The following CSMD1 variants were observed in gnomAD, a reference collection of about 807,000 sequenced individuals.
The protein encoded by CSMD1 is CUB and Sushi multiple domains 1.
CSMD1 carries 213 observed loss-of-function variants against 417.5 expected under a neutral mutation model. That is an observed-to-expected ratio of 0.51 (90% CI 0.46 to 0.57). The LOEUF is 0.57. Among genes scored for constraint, CSMD1 ranks in the 20% least tolerant of loss-of-function variants. The probability of loss-of-function intolerance (pLI) is 0.00; values close to 1 mark genes in which losing one functional copy is unlikely to be tolerated. For synonymous variants in CSMD1, 2,862 were observed against 1,736.8 expected (o/e 1.65, Z -16.11); for missense variants, 6,923 against 4,529.7 (o/e 1.53, Z -15.17).
At chr8:4,203,437 G>GA (rs1376981696) in intron 3 of CSMD1, among the ~76,000 whole-genome samples, 1 of 152,118 alleles carries the variant, frequency 6.6e-6, no homozygotes, top group South Asian at 2.1e-4. Flanking sequence ...ACAGCAGCCA[G>GA]AAAAAAATCC....
intron 1 of CSMD1, among the ~76,000 whole-genome samples, chr8:4,870,532 A>C (rs1802677591): frequency 6.6e-6 from 1 of 152,106 alleles, no homozygotes; most frequent in Non-Finnish European, 1.5e-5. Context: ...AGGAGTCTGC[A>C]TACATTCCTC....
At chr8:4,623,554 T>C (rs1239030272) in intron 2 of CSMD1, among the ~76,000 whole-genome samples, 1 of 151,736 alleles carries the variant, frequency 6.6e-6, no homozygotes, top group Non-Finnish European at 1.5e-5. Context: ...TTATTTCTAA[T>C]AGCTAAAAAC....
chr8:3,171,343 C>G (rs1356180517), intron 37 of CSMD1, among the ~76,000 whole-genome samples: 1 of 152,212 alleles, frequency 6.6e-6, no homozygotes, highest in Admixed American at 6.5e-5. Flanking sequence ...GCAGCCCAGC[C>G]TGATTTCCAC....
intron 2 of CSMD1, among the ~76,000 whole-genome samples, chr8:4,498,214 C>A (rs767494694): frequency 6.6e-6 from 1 of 152,090 alleles, no homozygotes; most frequent in Admixed American, 6.5e-5. Flanking sequence ...CGGGGTTGAA[C>A]GATGATTGTT....
chr8:3,265,167 C>T (rs973834802), intron 26 of CSMD1, among the ~76,000 whole-genome samples: 1 of 152,112 alleles, frequency 6.6e-6, no homozygotes, highest in African/African-American at 2.4e-5. Flanking sequence ...AATTTACACT[C>T]TCACTAGAAC....
At chr8:3,305,595 G>C (rs1283640055) in intron 25 of CSMD1, among the ~76,000 whole-genome samples, 1 of 151,528 alleles carries the variant, frequency 6.6e-6, no homozygotes, top group African/African-American at 2.4e-5. Context: ...CTCTCACCAT[G>C]TGGACTCATC....
chr8:4,956,316 A>T (rs1809108224), intron 1 of CSMD1, among the ~76,000 whole-genome samples: 1 of 151,760 alleles, frequency 6.6e-6, no homozygotes, highest in Admixed American at 6.6e-5. Context: ...TAGCATATGA[A>T]TAATAAAAAT....
intron 25 of CSMD1, among the ~76,000 whole-genome samples, chr8:3,286,283 A>G (rs1453666250): frequency 1.3e-5 from 2 of 152,144 alleles, no homozygotes; most frequent in Admixed American, 1.3e-4. Flanking sequence ...GCCGCTATAA[A>G]CATACGTGTG....
At chr8:3,468,901 C>G (rs948233133) in intron 11 of CSMD1, 77 bp from the exon 12 acceptor site, 3 of 915,870 alleles carry the variant, frequency 3.3e-6, no homozygotes, top group African/African-American at 3.3e-5. Flanking sequence ...GAGGGTCTTG[C>G]TGCTTTAAAC....
chr8:4,530,500 C>A (rs564977616), intron 2 of CSMD1, among the ~76,000 whole-genome samples: 1 of 151,114 alleles, frequency 6.6e-6, no homozygotes, highest in East Asian at 2.0e-4. Flanking sequence ...CCCTTTCCCC[C>A]GACCCCCTGA....
intron 2 of CSMD1, among the ~76,000 whole-genome samples, chr8:4,507,611 A>G (rs979246372): frequency 6.6e-6 from 1 of 152,210 alleles, no homozygotes; most frequent in African/African-American, 2.4e-5. Context: ...TGGTGGAAAC[A>G]TCTATTTCCA....
intron 2 of CSMD1, among the ~76,000 whole-genome samples, chr8:4,602,532 C>A (rs151294702): frequency 8.6e-4 from 131 of 152,270 alleles, no homozygotes; most frequent in Non-Finnish European, 1.4e-3. Flanking sequence ...ATATTAGGAA[C>A]ATATTGGTCA....
chr8:3,094,168 C>T (rs1206345741), intron 47 of CSMD1, among the ~76,000 whole-genome samples: 8 of 151,696 alleles, frequency 5.3e-5, no homozygotes, highest in Non-Finnish European at 1.0e-4. Context: ...TGCAATGGTA[C>T]AATCTCGGCT....
At chr8:3,969,047 T>A (rs1342182113) in intron 5 of CSMD1, among the ~76,000 whole-genome samples, 1 of 152,112 alleles carries the variant, frequency 6.6e-6, no homozygotes, top group African/African-American at 2.4e-5. Context: ...GTTCAGGAGT[T>A]CGAGACCAGC....
intron 3 of CSMD1, among the ~76,000 whole-genome samples, chr8:4,261,891 G>T (rs1257408110): frequency 1.3e-5 from 2 of 152,104 alleles, no homozygotes; most frequent in Non-Finnish European, 2.9e-5. Flanking sequence ...TTAAAAAGTA[G>T]ATGTGGAACT....
At chr8:3,741,032 T>C (rs1328055244) in intron 6 of CSMD1, among the ~76,000 whole-genome samples, 7 of 151,864 alleles carry the variant, frequency 4.6e-5, no homozygotes, top group Non-Finnish European at 1.0e-4. Flanking sequence ...CTGGCCAACA[T>C]GGTCAAACTC....
rs191669773 is a variant in CSMD1 at position 3,179,236 on chromosome 8, C to T, written c.5725+1874G>A. 2.8e-4 allele frequency among the ~76,000 whole-genome samples: 42 copies of T among 152,170 alleles called. No individual in the cohort carries two copies. The East Asian group carries it at 5.6e-3, about 20-fold the overall frequency. On this transcript the variant is annotated intron_variant, in intron 37 of 69. Coordinates refer to ENST00000635120, the MANE Select transcript of CSMD1 (RefSeq NM_033225.6). The stretch of plus-strand genomic sequence containing the variant: ...CTGGGATTACAGGCGTGAGCCACCG[C>T]GCCCAGCCTATAATCTATATTTCAA...
intron 21 of CSMD1, among the ~76,000 whole-genome samples, chr8:3,358,501 G>T (rs1198140517): frequency 1.3e-5 from 2 of 152,192 alleles, no homozygotes; most frequent in Non-Finnish European, 2.9e-5. Flanking sequence ...ACAGTTCCCA[G>T]ATTGCTAATA....
intron 1 of CSMD1, among the ~76,000 whole-genome samples, chr8:4,910,459 G>A (rs1456002863): frequency 2.6e-5 from 4 of 152,176 alleles, no homozygotes; most frequent in Non-Finnish European, 5.9e-5. Context: ...TAGCGGGTTT[G>A]TCCTCTGATG....
Sources: allele counts gnomAD v4.1 joint callset (sites outside exome capture counted in the v4.1 genomes callset), GRCh38; gene constraint gnomAD v4.1.1; transcripts MANE v1.5; gene names NCBI Gene and HGNC (gene_info 2026-07-23, HGNC 2026-07-21).